The following RFTN1 variants were observed in gnomAD, a reference collection of about 807,000 sequenced individuals.
RFTN1 encodes raftlin.
Under a neutral mutation model 46.5 loss-of-function variants are expected in RFTN1, and 26 were observed. That is an observed-to-expected ratio of 0.56 (90% CI 0.41 to 0.78). The LOEUF is 0.78. Among genes scored for constraint, RFTN1 ranks in the 30% least tolerant of loss-of-function variants. The pLI, the probability that RFTN1 is intolerant of heterozygous loss-of-function variation, is 0.00. For missense variants in RFTN1, 693 were observed against 718.7 expected (o/e 0.96, Z 0.41); for synonymous variants, 261 against 284.2 (o/e 0.92, Z 0.82).
intron 7 of RFTN1, among the ~76,000 whole-genome samples, chr3:16,354,260 C>G (rs1394350234): frequency 6.6e-6 from 1 of 152,196 alleles, no homozygotes; most frequent in East Asian, 1.9e-4. Context: ...AGGGGTCTTT[C>G]ACCCTGCAGG....
At chr3:16,386,085 G>C (rs2074161941) in intron 4 of RFTN1, among the ~76,000 whole-genome samples, 1 of 152,246 alleles carries the variant, frequency 6.6e-6, no homozygotes, top group Admixed American at 6.5e-5. Context: ...GGGAGTCAAA[G>C]AATGCATGCC....
rs1406113366 is a variant in RFTN1, at chr3:16,457,519, A to G, written c.146-23482T>C. Among the ~76,000 whole-genome samples the G allele has an allele frequency of 6.6e-6, 1 of 152,236 alleles. No homozygotes were observed. The highest frequency in any genetic ancestry group is 2.4e-5 in the African/African-American group (1 of 41,464). ...TATACAAGGCATCCCAAAAGTCTCA[A>G]TACAGTTTTATGCTGAAATTTCAGA... On this transcript the variant is annotated intron_variant, in intron 2 of 9. Coordinates refer to ENST00000334133, the MANE Select transcript of RFTN1 (RefSeq NM_015150.2). The surrounding 1 kb of genome is among the most constrained non-coding windows in gnomAD (Gnocchi z 4.2).
chr3:16,363,891 C>T (rs536264821), intron 6 of RFTN1, among the ~76,000 whole-genome samples: 23 of 152,138 alleles, frequency 1.5e-4, no homozygotes, highest in African/African-American at 5.1e-4. Context: ...TCGCCAACTG[C>T]GTAAGCCCAA....
chr3:16,433,761 AC>A lies in RFTN1; in HGVS notation c.332+89del, dbSNP rs946165098. 7.5e-5 allele frequency: 104 copies of A among 1,391,998 alleles called. No homozygotes were observed. In the South Asian group the frequency reaches 1.1e-3, roughly 15 times the overall value. The allele number at this position is 1,391,998 out of a possible 1,614,324, so 86.2% of individuals were successfully genotyped here. A position where few individuals can be genotyped will look rare whatever the true frequency, so the allele number is the denominator to read the frequency against. ...CCCTGAGGACAGCATGCAAATTTCAACCCCCAACCCCATCCTCTCACTTCCC... is the reference window on the plus strand; with the variant it reads ...CCCTGAGGACAGCATGCAAATTTCAACCCCAACCCCATCCTCTCACTTCCC... On this transcript the variant is annotated intron_variant, in intron 3 of 9. Coordinates refer to ENST00000334133, the MANE Select transcript of RFTN1 (RefSeq NM_015150.2). The surrounding 1 kb of genome is among the most constrained non-coding windows in gnomAD (Gnocchi z 4.4).
intron 4 of RFTN1, among the ~76,000 whole-genome samples, chr3:16,397,070 A>G (rs1575218360): frequency 5.3e-5 from 1 of 19,046 alleles, no homozygotes; most frequent in African/African-American, 4.4e-4. Context: ...TCTCAAAATG[A>G]AAAAAAAAAA....
chr3:16,323,819 G>A (rs2069360910), intron 8 of RFTN1, among the ~76,000 whole-genome samples: 1 of 152,236 alleles, frequency 6.6e-6, no homozygotes, highest in African/African-American at 2.4e-5. Flanking sequence ...ATGATGGGCA[G>A]GTAGATAAGG....
At chr3:16,403,405 G>C (rs973832761) in intron 4 of RFTN1, among the ~76,000 whole-genome samples, 3 of 150,558 alleles carry the variant, frequency 2.0e-5, no homozygotes, top group African/African-American at 7.4e-5. Flanking sequence ...CATGAGATGA[G>C]GGTTAAGGGT....
chr3:16,476,710 T>C (rs924424017), intron 2 of RFTN1, among the ~76,000 whole-genome samples: 1 of 152,120 alleles, frequency 6.6e-6, no homozygotes, highest in Non-Finnish European at 1.5e-5. Context: ...TAAGAGGTAT[T>C]TGGAGCAATG....
Position 16,468,423 on chromosome 3 carries a change from TCAGATCCTAACAA to T in RFTN1, c.145+25289_145+25301del, listed in dbSNP as rs2124943001. On this transcript the variant is annotated intron_variant, in intron 2 of 9. Transcript: ENST00000334133. The surrounding 1 kb of genome is among the most constrained non-coding windows in gnomAD (Gnocchi z 4.4). ...AATGTCCCCACCCTGGGATCAGGCA[TCAGATCCTAACAA>T]CACTGACAGAGTGAAGGGCACGTTT... is the stretch of plus-strand genomic sequence containing the variant. Among the ~76,000 whole-genome samples the T allele has an allele frequency of 6.6e-6, 1 of 152,258 alleles. No homozygotes were observed. The highest frequency in any genetic ancestry group is 2.1e-4 in the South Asian group (1 of 4,812).
At chr3:16,360,266 G>T (rs1270663996) in intron 6 of RFTN1, among the ~76,000 whole-genome samples, 1 of 151,828 alleles carries the variant, frequency 6.6e-6, no homozygotes, top group Non-Finnish European at 1.5e-5. Context: ...CAACCTCCTG[G>T]GCTCAAGTGA....
At chr3:16,372,239 T>TC (rs2073544412) in intron 5 of RFTN1, among the ~76,000 whole-genome samples, 2 of 152,142 alleles carry the variant, frequency 1.3e-5, no homozygotes, top group African/African-American at 2.4e-5. Context: ...GAAGAGCATG[T>TC]TACCACTGGG....
At chr3:16,476,064 G>A (rs1224279341) in intron 2 of RFTN1, among the ~76,000 whole-genome samples, 1 of 152,206 alleles carries the variant, frequency 6.6e-6, no homozygotes, top group African/African-American at 2.4e-5. Flanking sequence ...CTGAAGGGTT[G>A]GACTGTGCTG....
intron 5 of RFTN1, among the ~76,000 whole-genome samples, chr3:16,375,911 C>T (rs1483993007): frequency 1.3e-5 from 2 of 152,142 alleles, no homozygotes; most frequent in Admixed American, 6.5e-5. Flanking sequence ...TGTGTTCAGC[C>T]ATCAGGGGAG....
At chr3:16,339,231 T>G (rs796510323) in intron 7 of RFTN1, 1 of 152,248 alleles carries the variant, frequency 6.6e-6, no homozygotes, top group East Asian at 1.9e-4. Context: ...AATATTCTCT[T>G]TGTGGTGACT....
chr3:16,350,941 A>G (rs1375345314), intron 7 of RFTN1, among the ~76,000 whole-genome samples: 1 of 152,052 alleles, frequency 6.6e-6, no homozygotes, highest in Non-Finnish European at 1.5e-5. Context: ...AATTGATGTT[A>G]CTCCCTGGCA....
intron 1 of RFTN1, among the ~76,000 whole-genome samples, chr3:16,494,829 T>A (rs2076599426): frequency 6.6e-6 from 1 of 152,268 alleles, no homozygotes; most frequent in Non-Finnish European, 1.5e-5. Context: ...GGGGTACCAC[T>A]GCTGCCATCA....
At position 16,443,832 on chromosome 3, in the gene RFTN1, C is replaced by T. The variant is rs1008056699; in HGVS notation, c.146-9795G>A. On this transcript the variant is annotated intron_variant, in intron 2 of 9. Coordinates refer to ENST00000334133, the MANE Select transcript of RFTN1 (RefSeq NM_015150.2). This position sits in a 1 kb window ranked among gnomAD's most constrained non-coding sequence, Gnocchi z 5.5. ...GTCCAGGTATTTGTAAGGAGACTGA[C>T]TCAACAATTTCCATTGACTGCATCC... Among the ~76,000 whole-genome samples the T allele has an allele frequency of 4.2e-5, 6 of 142,306 alleles. No individual in the cohort carries two copies. Among genetic ancestry groups the T allele is most frequent in the African/African-American group, 1.5e-4 (6 of 40,628 alleles). 93.4% of individuals were successfully genotyped at this position (142,306 alleles called of 152,430 possible).
chr3:16,442,503 T>C lies in RFTN1; in HGVS notation c.146-8466A>G, dbSNP rs893543929. On this transcript the variant is annotated intron_variant, in intron 2 of 9. Coordinates refer to ENST00000334133, the MANE Select transcript of RFTN1 (RefSeq NM_015150.2). The surrounding 1 kb of genome is among the most constrained non-coding windows in gnomAD (Gnocchi z 4.1). The stretch of plus-strand genomic sequence containing the variant: ...GTGTACAACATGATGCCTCAATGTA[T>C]ATATACTTAGTTCAAATGATTACTA... Among the ~76,000 whole-genome samples, 14 of 152,320 alleles carry C rather than the reference T, an allele frequency of 9.2e-5. No homozygotes were observed. Among genetic ancestry groups the C allele is most frequent in the Non-Finnish European group, 2.1e-4 (14 of 68,032 alleles).
At position 16,326,883 on chromosome 3, in the gene RFTN1, G is replaced by A. The variant is rs752070230; in HGVS notation, c.1147-7C>T. On this transcript the variant is annotated splice_polypyrimidine_tract_variant and splice_region_variant and intron_variant, in intron 7 of 9. Coordinates refer to ENST00000334133, the MANE Select transcript of RFTN1 (RefSeq NM_015150.2). ...CTGTCTGCACTTCGACACCCTGGGG[G>A]AACAAGGCCAGCATTAGGGCTGCTG... The A allele has an allele frequency of 1.4e-5, 22 of 1,610,756 alleles. No individual in the cohort carries two copies. The highest frequency in any genetic ancestry group is 5.3e-5 in the African/African-American group (4 of 74,878).
Sources: gnomAD v4.1 joint callset for allele counts (sites outside exome capture counted in the v4.1 genomes callset) on GRCh38, gnomAD v4.1.1 for gene constraint, Gnocchi (gnomAD v3.1) non-coding constraint, MANE v1.5 for transcripts, NCBI Gene and HGNC (gene_info 2026-07-23, HGNC 2026-07-21) for gene names.